Variants in SLC14A2 observed in about 807,000 individuals in gnomAD.
The protein encoded by SLC14A2 is urea transporter 2.
Under a neutral mutation model 104.6 loss-of-function variants are expected in SLC14A2, and 91 were observed. That is an observed-to-expected ratio of 0.87 (90% CI 0.73 to 1.04). The LOEUF (loss-of-function observed/expected upper bound fraction) is 1.04, where lower values mean the gene tolerates loss of function less well. Ranked by LOEUF, SLC14A2 falls within the 50% of genes least tolerant of loss-of-function variation. SLC14A2 has a pLI of 0.00. For synonymous variants in SLC14A2, 476 were observed against 466.4 expected (o/e 1.02, Z -0.27); for missense variants, 1,189 against 1,156.0 (o/e 1.03, Z -0.41).
chr18:45,193,499 C>A, the SLC14A2 span, among the ~76,000 whole-genome samples: 2 of 152,106 alleles, frequency 1.3e-5, no homozygotes, highest in South Asian at 2.1e-4. Flanking sequence ...GAATTTTGTA[C>A]CTTTGCAGAA....
rs560503772 is a variant in SLC14A2, at chr18:45,370,227, G to T, written c.-124-113006G>T. Among the ~76,000 whole-genome samples, 3 of 152,268 alleles carry T rather than the reference G, an allele frequency of 2.0e-5. No individual in the cohort carries two copies. The South Asian group carries it at 6.2e-4, about 32-fold the overall frequency. On this transcript the variant is annotated intron_variant, in intron 1 of 20. Transcript: ENST00000586448. ...CTGAACACATGGGAGAACCCAGGGT[G>T]ACGAATGTCTAGCCCCCACTTCAAC...
At chr18:45,426,912 T>G (rs907486748) in intron 1 of SLC14A2, among the ~76,000 whole-genome samples, 3 of 152,098 alleles carry the variant, frequency 2.0e-5, no homozygotes, top group Non-Finnish European at 4.4e-5. Flanking sequence ...AGGAAATACA[T>G]CCATCTGCTC....
intron 1 of SLC14A2, among the ~76,000 whole-genome samples, chr18:45,379,591 T>C (rs1045577178): frequency 2.0e-5 from 3 of 152,212 alleles, no homozygotes; most frequent in African/African-American, 7.2e-5. Flanking sequence ...GAAATACCTT[T>C]AAAATGCTCA....
chr18:45,589,868 G>T (rs1474490829), intron 2 of SLC14A2, among the ~76,000 whole-genome samples: 1 of 152,198 alleles, frequency 6.6e-6, no homozygotes, highest in African/African-American at 2.4e-5. Flanking sequence ...ATTGAAGAAA[G>T]AATGCAAAGA....
chr18:45,616,753 G>A (rs1040516520), intron 1 of SLC14A2, among the ~76,000 whole-genome samples: 11 of 152,156 alleles, frequency 7.2e-5, no homozygotes, highest in African/African-American at 2.7e-4. Context: ...TTTATTCATG[G>A]GATGAGAGGG....
chr18:45,345,824 A>G (rs2085441906), intron 1 of SLC14A2, among the ~76,000 whole-genome samples: 1 of 152,204 alleles, frequency 6.6e-6, no homozygotes, highest in Non-Finnish European at 1.5e-5. Context: ...TCCAGAGGAA[A>G]TACTTACCTG....
At chr18:45,361,389 T>C (rs1303454952) in intron 1 of SLC14A2, among the ~76,000 whole-genome samples, 1 of 152,112 alleles carries the variant, frequency 6.6e-6, no homozygotes, top group Non-Finnish European at 1.5e-5. Flanking sequence ...CATGGACACA[T>C]TGACATTAAT....
At chr18:45,555,460 T>G (rs2044119609) in intron 2 of SLC14A2, among the ~76,000 whole-genome samples, 1 of 152,126 alleles carries the variant, frequency 6.6e-6, no homozygotes. Context: ...AAATATAAGT[T>G]GGGGAGCAGC....
intron 1 of SLC14A2, among the ~76,000 whole-genome samples, chr18:45,391,899 T>G (rs1314151131): frequency 2.0e-5 from 3 of 152,246 alleles, no homozygotes; most frequent in Non-Finnish European, 4.4e-5. Context: ...TGATGGTGGT[T>G]TCTTTTGCTG....
intron 1 of SLC14A2, among the ~76,000 whole-genome samples, chr18:45,272,127 C>T (rs2084657448): frequency 2.6e-5 from 4 of 151,936 alleles, no homozygotes. Flanking sequence ...AAAGGGAATC[C>T]TTTTACACTC....
At chr18:45,636,888 C>A in intron 5 of SLC14A2, 102 bp from the exon 6 acceptor site, 1 of 845,752 alleles carries the variant, frequency 1.2e-6, no homozygotes, top group Non-Finnish European at 1.9e-6. Context: ...GAATGCTGTG[C>A]CTAGGAGAGG....
chr18:45,530,585 A>C (rs1444698386), intron 2 of SLC14A2, among the ~76,000 whole-genome samples: 2 of 152,086 alleles, frequency 1.3e-5, no homozygotes, highest in African/African-American at 4.8e-5. Context: ...TCTATGTCTA[A>C]ATATGTTAGA....
chr18:45,319,228 C>T (rs1213949497), intron 1 of SLC14A2, among the ~76,000 whole-genome samples: 1 of 152,210 alleles, frequency 6.6e-6, no homozygotes, highest in African/African-American at 2.4e-5. Flanking sequence ...ATGAGGATAA[C>T]CCTACAACCC....
At chr18:45,606,345 G>T (rs540711770) in intron 2 of SLC14A2, among the ~76,000 whole-genome samples, 1 of 152,244 alleles carries the variant, frequency 6.6e-6, no homozygotes, top group African/African-American at 2.4e-5. Flanking sequence ...ATTTTAAGCA[G>T]AAAAAGATTT....
At chr18:45,593,832 A>G (rs557956024) in intron 2 of SLC14A2, among the ~76,000 whole-genome samples, 1 of 152,350 alleles carries the variant, frequency 6.6e-6, no homozygotes, top group African/African-American at 2.4e-5. Flanking sequence ...AAGGATTTTT[A>G]GAAAACTATG....
intron 2 of SLC14A2, among the ~76,000 whole-genome samples, chr18:45,575,256 C>T (rs960459879): frequency 6.6e-6 from 1 of 152,140 alleles, no homozygotes; most frequent in Non-Finnish European, 1.5e-5. Flanking sequence ...GATTTCACTA[C>T]CACAACCCAC....
At chr18:45,544,500 T>TA (rs1355267967) in intron 2 of SLC14A2, among the ~76,000 whole-genome samples, 3 of 152,100 alleles carry the variant, frequency 2.0e-5, no homozygotes, top group Non-Finnish European at 2.9e-5. Context: ...AGTTTCTTTA[T>TA]AAAAAACGAC....
chr18:45,274,437 C>G (rs952212185), intron 1 of SLC14A2, among the ~76,000 whole-genome samples: 23 of 152,154 alleles, frequency 1.5e-4, no homozygotes, highest in African/African-American at 5.6e-4. Context: ...AAGGCCAAGA[C>G]TCAGCTATAG....
At chr18:45,209,078 T>G (rs959586851), upstream of SLC14A2, among the ~76,000 whole-genome samples, 1 of 148,378 alleles carries the variant, frequency 6.7e-6, no homozygotes, top group African/African-American at 2.5e-5. Flanking sequence ...GGCTCACGTC[T>G]GTAATCCCAG....
Sources: gnomAD v4.1 joint callset for allele counts (sites outside exome capture counted in the v4.1 genomes callset) on GRCh38, gnomAD v4.1.1 for gene constraint, MANE v1.5 for transcripts, NCBI Gene and HGNC (gene_info 2026-07-23, HGNC 2026-07-21) for gene names.